Variants in SYT1 observed in about 807,000 individuals in gnomAD.
SYT1 encodes the protein synaptotagmin 1, also known as synaptotagmin-1.
SYT1 carries 8 observed loss-of-function variants against 44.8 expected under a neutral mutation model. That is an observed-to-expected ratio of 0.18 (90% CI 0.10 to 0.32). The LOEUF (loss-of-function observed/expected upper bound fraction) is 0.32, where lower values mean the gene tolerates loss of function less well. Ranked by LOEUF, SYT1 falls within the 10% of genes least tolerant of loss-of-function variation. SYT1 has a pLI of 1.00. For missense variants in SYT1, 286 were observed against 509.3 expected (o/e 0.56, Z 4.22); for synonymous variants, 154 against 188.8 (o/e 0.82, Z 1.51).
chr12:79,111,085 G>C (rs2138090574), intron 3 of SYT1, among the ~76,000 whole-genome samples: 1 of 152,152 alleles, frequency 6.6e-6, no homozygotes, highest in South Asian at 2.1e-4. Context: ...AATGAAGGAT[G>C]TTCTAAATGT....
At chr12:79,402,755 C>T (rs1885116534) in intron 9 of SYT1, among the ~76,000 whole-genome samples, 1 of 152,088 alleles carries the variant, frequency 6.6e-6, no homozygotes, top group African/African-American at 2.4e-5. Context: ...AATAAGACAC[C>T]ATATCCATCC....
chr12:79,366,726 G>A (rs2136038346), intron 9 of SYT1, among the ~76,000 whole-genome samples: 1 of 152,282 alleles, frequency 6.6e-6, no homozygotes, highest in South Asian at 2.1e-4. Context: ...CAGCCATATT[G>A]TTGAATAAAC....
At chr12:79,344,922 T>C (rs1165420759) in intron 8 of SYT1, among the ~76,000 whole-genome samples, 1 of 152,232 alleles carries the variant, frequency 6.6e-6, no homozygotes, top group Admixed American at 6.5e-5. Context: ...AATTTCTAAA[T>C]CATAAAGTGG....
intron 2 of SYT1, among the ~76,000 whole-genome samples, chr12:78,990,143 T>G (rs1313586480): frequency 6.6e-6 from 1 of 152,144 alleles, no homozygotes. Flanking sequence ...CATGAGCTAG[T>G]GCACCTGAAT....
chr12:79,410,173 A>G (rs1328402376), intron 9 of SYT1, among the ~76,000 whole-genome samples: 1 of 152,220 alleles, frequency 6.6e-6, no homozygotes, highest in East Asian at 1.9e-4. Context: ...AACTGAGAGA[A>G]TAAGTTTCAT....
Position 79,179,425 on chromosome 12 carries a change from T to TATATATATCC in SYT1, c.-17-38073_-17-38072insTATCCATATA, listed in dbSNP as rs1224449196. Among the ~76,000 whole-genome samples the TATATATATCC allele has an allele frequency of 8.9e-4, 39 of 43,834 alleles. 4 individuals are homozygous for TATATATATCC. Among genetic ancestry groups the TATATATATCC allele is most frequent in the African/African-American group, 3.6e-3 (27 of 7,570 alleles). The allele number at this position is 43,834 out of a possible 152,430, so 28.8% of individuals were successfully genotyped here. A position where few individuals can be genotyped will look rare whatever the true frequency, so the allele number is the denominator to read the frequency against. ...ATATAGATATAGATATAGATATATC[T>TATATATATCC]ATATAGATATATCCATATAGATATA... On this transcript the variant is annotated intron_variant, in intron 3 of 10. Coordinates refer to ENST00000261205, the MANE Select transcript of SYT1 (RefSeq NM_005639.3).
At chr12:78,978,296 G>T (rs1484333062) in intron 2 of SYT1, among the ~76,000 whole-genome samples, 4 of 152,120 alleles carry the variant, frequency 2.6e-5, no homozygotes, top group African/African-American at 9.7e-5. Context: ...AAAAGAATAT[G>T]CCATGGCATC....
At chr12:79,121,166 T>A (rs1879582351) in intron 3 of SYT1, among the ~76,000 whole-genome samples, 1 of 151,922 alleles carries the variant, frequency 6.6e-6, no homozygotes, top group South Asian at 2.1e-4. Context: ...CTGTCTTCCT[T>A]CTCCTCTGGC....
At chr12:79,376,513 C>G (rs1349932413) in intron 9 of SYT1, among the ~76,000 whole-genome samples, 1 of 152,164 alleles carries the variant, frequency 6.6e-6, no homozygotes, top group African/African-American at 2.4e-5. Flanking sequence ...GGCTCCTTTA[C>G]TGCAAACTGT....
chr12:79,080,389 G>C (rs1328242051), intron 3 of SYT1, among the ~76,000 whole-genome samples: 1 of 152,012 alleles, frequency 6.6e-6, no homozygotes, highest in African/African-American at 2.4e-5. Context: ...TTGGCACCAG[G>C]CAAAACAGAT....
At chr12:79,430,076 C>A (rs1427007628) in intron 9 of SYT1, among the ~76,000 whole-genome samples, 1 of 152,128 alleles carries the variant, frequency 6.6e-6, no homozygotes, top group Non-Finnish European at 1.5e-5. Context: ...ATACCACTAT[C>A]CAAATATCAC....
chr12:79,015,172 T>C (rs1871723642), intron 2 of SYT1, among the ~76,000 whole-genome samples: 1 of 151,932 alleles, frequency 6.6e-6, no homozygotes, highest in Non-Finnish European at 1.5e-5. Context: ...GTAACTAACC[T>C]GCACATTGTG....
At chr12:79,165,511 C>T (rs1358210170) in intron 3 of SYT1, among the ~76,000 whole-genome samples, 1 of 151,806 alleles carries the variant, frequency 6.6e-6, no homozygotes, top group African/African-American at 2.4e-5. Context: ...GAAGACTCTT[C>T]GATTAAAATG....
intron 9 of SYT1, among the ~76,000 whole-genome samples, chr12:79,354,429 T>C (rs1361266943): frequency 6.6e-6 from 1 of 152,226 alleles, no homozygotes; most frequent in Non-Finnish European, 1.5e-5. Flanking sequence ...CTAACATTAC[T>C]GGTTATTCAA....
intron 2 of SYT1, among the ~76,000 whole-genome samples, chr12:78,998,593 G>A (rs1455951363): frequency 6.6e-6 from 1 of 152,210 alleles, no homozygotes; most frequent in Non-Finnish European, 1.5e-5. Flanking sequence ...TGATGTTTGA[G>A]AAATCTTGGG....
intron 4 of SYT1, among the ~76,000 whole-genome samples, chr12:79,254,584 T>C (rs1220218197): frequency 6.6e-6 from 1 of 152,204 alleles, no homozygotes; most frequent in Non-Finnish European, 1.5e-5. Flanking sequence ...ATTTGAGAAA[T>C]ACATTTTGTA....
chr12:79,203,142 T>C (rs567765417), intron 3 of SYT1, among the ~76,000 whole-genome samples: 1 of 152,256 alleles, frequency 6.6e-6, no homozygotes, highest in South Asian at 2.1e-4. Context: ...TGTATGCTCG[T>C]TTTTGGCAGA....
chr12:79,013,608 T>C (rs888522191), intron 2 of SYT1, among the ~76,000 whole-genome samples: 5 of 152,206 alleles, frequency 3.3e-5, no homozygotes, highest in African/African-American at 9.6e-5. Flanking sequence ...TCCTGCGTTT[T>C]TTCCTCTATA....
At chr12:79,132,443 C>T (rs540998319) in intron 3 of SYT1, among the ~76,000 whole-genome samples, 3 of 140,798 alleles carry the variant, frequency 2.1e-5, no homozygotes, top group Admixed American at 7.0e-5. Context: ...AGCAAGATTC[C>T]GTCTCAAAAA....
Sources: allele counts gnomAD v4.1 joint callset (sites outside exome capture counted in the v4.1 genomes callset), GRCh38; gene constraint gnomAD v4.1.1; transcripts MANE v1.5; gene names NCBI Gene and HGNC (gene_info 2026-07-23, HGNC 2026-07-21).